The following TTC1 variants were observed in gnomAD, a reference collection of about 807,000 sequenced individuals.
TTC1 encodes tetratricopeptide repeat domain 1, also known as tetratricopeptide repeat protein 1.
In TTC1, 31 loss-of-function variants were observed where a neutral mutation model predicts 37.6. The ratio of observed to expected loss-of-function variants is 0.82; its 90% confidence interval spans 0.62 to 1.11. The LOEUF (loss-of-function observed/expected upper bound fraction) is 1.11. Among genes scored for constraint, TTC1 ranks in the 50% most tolerant of loss-of-function variants. The pLI is 0.00. For synonymous variants in TTC1, 127 were observed against 122.4 expected (o/e 1.04, Z -0.25); for missense variants, 351 against 339.0 (o/e 1.04, Z -0.28).
intron 5 of TTC1, among the ~76,000 whole-genome samples, chr5:160,045,520 A>ACACACACTCTCTCT (rs1202139318): frequency 2.2e-4 from 12 of 54,876 alleles, no homozygotes; most frequent in Non-Finnish European, 2.6e-4. Context: ...ACACATACAC[A>ACACACACTCTCTCT]CTCTCTCTCT....
intron 4 of TTC1, among the ~76,000 whole-genome samples, chr5:160,040,793 T>C (rs1757076933): frequency 6.6e-6 from 1 of 151,880 alleles, no homozygotes. Context: ...TTTTAATTTT[T>C]TTAGAAATGG....
chr5:160,018,379 G>A (rs1041286563), intron 2 of TTC1, among the ~76,000 whole-genome samples: 1 of 152,210 alleles, frequency 6.6e-6, no homozygotes, highest in Non-Finnish European at 1.5e-5. Flanking sequence ...GGTCAGGAAA[G>A]CCTCTCTGGA....
chr5:160,048,016 C>A (rs983948582), intron 5 of TTC1, among the ~76,000 whole-genome samples: 3 of 150,590 alleles, frequency 2.0e-5, no homozygotes, highest in Non-Finnish European at 4.4e-5. Context: ...CAGAGACATA[C>A]TACATTGGAC....
At chr5:160,029,517 G>A (rs1335290791) in intron 2 of TTC1, among the ~76,000 whole-genome samples, 1 of 151,382 alleles carries the variant, frequency 6.6e-6, no homozygotes, top group African/African-American at 2.4e-5. Context: ...GCGTGGTGGT[G>A]TGCACCTGTG....
intron 5 of TTC1, among the ~76,000 whole-genome samples, chr5:160,043,827 A>AT (rs924273118): frequency 6.6e-5 from 10 of 151,238 alleles, no homozygotes; most frequent in South Asian, 6.3e-4. Flanking sequence ...ACTTCACATC[A>AT]TTTTTTTTTA....
chr5:160,045,454 CCACACACACACACACACACA>C (rs57919333), intron 5 of TTC1, among the ~76,000 whole-genome samples: 59 of 38,902 alleles, frequency 1.5e-3, no homozygotes, highest in South Asian at 5.0e-3. Flanking sequence ...CCCCCACCCT[CCACACACACACACACACACA>C]CACACACACA....
chr5:160,037,633 T>C (rs1757017940), intron 4 of TTC1, among the ~76,000 whole-genome samples: 2 of 152,164 alleles, frequency 1.3e-5, no homozygotes, highest in Admixed American at 6.5e-5. Context: ...GGAGAGTCGC[T>C]GAAGCCTGGA....
intron 4 of TTC1, among the ~76,000 whole-genome samples, chr5:160,039,751 G>A (rs1757055325): frequency 6.6e-6 from 1 of 152,124 alleles, no homozygotes; most frequent in African/African-American, 2.4e-5. Context: ...TTATAGAAAT[G>A]TGATAAGTTG....
At chr5:160,026,502 C>T (rs1199017267) in intron 2 of TTC1, among the ~76,000 whole-genome samples, 1 of 152,154 alleles carries the variant, frequency 6.6e-6, no homozygotes, top group Non-Finnish European at 1.5e-5. Flanking sequence ...TACGAATACA[C>T]TTATAGTTGT....
intron 3 of TTC1, among the ~76,000 whole-genome samples, chr5:160,035,695 T>C (rs1756988202): frequency 6.6e-6 from 1 of 152,218 alleles, no homozygotes; most frequent in Non-Finnish European, 1.5e-5. Context: ...GCCATTTTCT[T>C]TGGATGCCTT....
chr5:160,065,091 T>G lies in TTC1; in HGVS notation c.*26T>G, dbSNP rs201534141. 3,294 of 1,602,038 alleles carry G rather than the reference T, an allele frequency of 2.1e-3. 3 individuals are homozygous for G. Among genetic ancestry groups the G allele is most frequent in the Non-Finnish European group, 2.6e-3 (3,073 of 1,176,954 alleles). On this transcript the variant is annotated 3_prime_UTR_variant, in exon 8 of 8. Coordinates refer to ENST00000231238, the MANE Select transcript of TTC1 (RefSeq NM_003314.3). ...CAAAGATAACAAAAGCTTTACAAGC[T>G]GACTTGGAATTGTGTGCTGCTTGCT...
intron 2 of TTC1, among the ~76,000 whole-genome samples, chr5:160,012,922 A>G (rs1423385383): frequency 6.6e-6 from 1 of 152,200 alleles, no homozygotes; most frequent in African/African-American, 2.4e-5. Flanking sequence ...CAACCCTGCC[A>G]GTCTCTGGTT....
intron 2 of TTC1, among the ~76,000 whole-genome samples, chr5:160,019,883 T>C (rs758798128): frequency 1.2e-4 from 19 of 152,100 alleles, no homozygotes; most frequent in Non-Finnish European, 2.6e-4. Context: ...CCCTGCCTCC[T>C]GCCTCCCTTT....
chr5:160,058,292 A>T (rs1757598268), intron 7 of TTC1, among the ~76,000 whole-genome samples: 1 of 151,996 alleles, frequency 6.6e-6, no homozygotes, highest in African/African-American at 2.4e-5. Flanking sequence ...AACTTCCTCC[A>T]CTGAAGTCTT....
chr5:160,028,058 G>T (rs1163584300), intron 2 of TTC1, among the ~76,000 whole-genome samples: 1 of 152,088 alleles, frequency 6.6e-6, no homozygotes, highest in African/African-American at 2.4e-5. Context: ...CCAGCACTTT[G>T]AGGGGCCGAG....
At chr5:160,011,073 G>A (rs567191920) in intron 2 of TTC1, among the ~76,000 whole-genome samples, 1 of 152,304 alleles carries the variant, frequency 6.6e-6, no homozygotes, top group African/African-American at 2.4e-5. Context: ...ATTATTTTCT[G>A]TGAACCTTCA....
rs761384883 is a variant in TTC1, at chr5:160,043,151, A to G, written c.523A>G (p.Ile175Val). The change falls in exon 5 of 8, where the codon ATC (isoleucine) becomes GTC (valine). Residue 175 changes from isoleucine (I) to valine (V), a missense_variant. Ile to Val is a conservative substitution (Grantham distance 29). Transcript: ENST00000231238. Reference sequence around the variant, plus strand: ...TTTTTAGGACAAGAAAGAAATGGCCATCAATGACTGCAGCAAAGGTACAGC... The same window carrying G: ...TTTTTAGGACAAGAAAGAAATGGCCGTCAATGACTGCAGCAAAGGTACAGC... Reference protein sequence around the residue: ...RMKQDKKEMAINDCSKAIQLN... With the variant: ...RMKQDKKEMAVNDCSKAIQLN... The G allele has an allele frequency of 6.2e-7, 1 of 1,613,618 alleles. No individual in the cohort carries two copies. Among genetic ancestry groups the G allele is most frequent in the Admixed American group, 1.7e-5 (1 of 59,976 alleles).
At position 160,065,374 on chromosome 5, in the gene TTC1, A is replaced by T. The variant is rs764365042; in HGVS notation, c.*309A>T. ...GACCTTCCTGATCATACACACACAC[A>T]GCCCAGCAAAAGCCTCTCCTGAACC... On this transcript the variant is annotated 3_prime_UTR_variant, in exon 8 of 8. Coordinates refer to ENST00000231238, the MANE Select transcript of TTC1 (RefSeq NM_003314.3). 2 of 508,838 alleles carry T rather than the reference A, an allele frequency of 3.9e-6. No homozygotes were observed. Among genetic ancestry groups the T allele is most frequent in the Middle Eastern group, 5.9e-4 (2 of 3,372 alleles). 31.5% of individuals were successfully genotyped at this position (508,838 alleles called of 1,614,324 possible).
intron 5 of TTC1, among the ~76,000 whole-genome samples, chr5:160,047,697 A>G (rs1232672924): frequency 6.6e-6 from 1 of 152,122 alleles, no homozygotes; most frequent in Non-Finnish European, 1.5e-5. Context: ...ATGGCCCTAC[A>G]TTTCAGCCTC....
Sources: gnomAD v4.1 joint callset for allele counts (sites outside exome capture counted in the v4.1 genomes callset) on GRCh38, gnomAD v4.1.1 for gene constraint, MANE v1.5 for transcripts, NCBI Gene and HGNC (gene_info 2026-07-23, HGNC 2026-07-21) for gene names.